Variants in ALK observed in about 807,000 individuals in gnomAD.
ALK encodes ALK tyrosine kinase receptor.
Under a neutral mutation model 163.1 loss-of-function variants are expected in ALK, and 74 were observed. That is an observed-to-expected ratio of 0.45 (90% confidence interval 0.38 to 0.55). The LOEUF (loss-of-function observed/expected upper bound fraction) is 0.55, where lower values mean the gene tolerates loss of function less well. Among genes scored for constraint, ALK ranks in the 20% least tolerant of loss-of-function variants. The pLI, the probability that ALK is intolerant of heterozygous loss-of-function variation, is 0.00. For missense variants in ALK, 2,063 were observed against 2,105.3 expected (o/e 0.98, Z 0.39); for synonymous variants, 960 against 843.2 (o/e 1.14, Z -2.40).
At chr2:29,715,519 G>A (rs1353714712) in intron 2 of ALK, among the ~76,000 whole-genome samples, 1 of 152,200 alleles carries the variant, frequency 6.6e-6, no homozygotes, top group Non-Finnish European at 1.5e-5. Flanking sequence ...CCATGGGTAG[G>A]AGGCAGCTTA....
chr2:29,222,308 G>A (rs1386977604), intron 22 of ALK, 36 bp downstream of exon 22: 3 of 1,600,474 alleles, frequency 1.9e-6, no homozygotes, highest in Non-Finnish European at 2.6e-6. Flanking sequence ...GGGGGCAGAG[G>A]GGAGTTGGGG....
chr2:29,367,438 A>G (rs144162099), intron 5 of ALK, among the ~76,000 whole-genome samples: 1 of 152,354 alleles, frequency 6.6e-6, no homozygotes, highest in East Asian at 1.9e-4. Flanking sequence ...GGGAGGAAGG[A>G]AGACAAAGAA....
intron 4 of ALK, among the ~76,000 whole-genome samples, chr2:29,456,936 C>T (rs1670971611): frequency 6.6e-6 from 1 of 152,006 alleles, no homozygotes; most frequent in Admixed American, 6.6e-5. Flanking sequence ...TGAAAAGTGG[C>T]CACGCACATA....
chr2:29,591,858 G>A (rs1042825513), intron 3 of ALK, among the ~76,000 whole-genome samples: 4 of 151,766 alleles, frequency 2.6e-5, no homozygotes, highest in African/African-American at 9.7e-5. Flanking sequence ...AGACCTTCTG[G>A]GCCGTCACTG....
At chr2:29,380,139 C>T (rs1422426219) in intron 5 of ALK, among the ~76,000 whole-genome samples, 1 of 148,594 alleles carries the variant, frequency 6.7e-6, no homozygotes, top group African/African-American at 2.5e-5. Flanking sequence ...CAGAGTCTCA[C>T]TCTGTCACCA....
chr2:29,916,602 G>A (rs1323108941), intron 1 of ALK, among the ~76,000 whole-genome samples: 1 of 152,150 alleles, frequency 6.6e-6, no homozygotes, highest in Non-Finnish European at 1.5e-5. Flanking sequence ...GAGTTCAAAG[G>A]TCAGATATAT....
intron 1 of ALK, among the ~76,000 whole-genome samples, chr2:29,887,098 C>T (rs907189215): frequency 2.6e-5 from 4 of 152,186 alleles, no homozygotes; most frequent in Middle Eastern, 3.2e-3. Context: ...AAACTATCCC[C>T]AAAATTTAGT....
At chr2:29,775,512 G>A (rs1681148172) in intron 1 of ALK, among the ~76,000 whole-genome samples, 1 of 149,934 alleles carries the variant, frequency 6.7e-6, no homozygotes, top group African/African-American at 2.5e-5. Flanking sequence ...CACCATGTAG[G>A]ATCGGAGTGG....
intron 1 of ALK, among the ~76,000 whole-genome samples, chr2:29,807,276 A>G (rs1664643632): frequency 6.6e-6 from 1 of 152,180 alleles, no homozygotes; most frequent in South Asian, 2.1e-4. Flanking sequence ...CTCTCCCCAG[A>G]CTCTCATCTA....
chr2:29,621,595 G>A (rs950543567), intron 3 of ALK, among the ~76,000 whole-genome samples: 2 of 152,232 alleles, frequency 1.3e-5, no homozygotes, highest in Admixed American at 6.5e-5. Flanking sequence ...ATCTGGGATT[G>A]CACAAAGACG....
Position 29,532,022 on chromosome 2 carries a change from G to T in ALK, c.1047C>A (p.Val349=), listed in dbSNP as rs1673133465. ...AGGGCTGCAGGTGCCTGTGCACCGA[G>T]ACGGCCAGTGTGCAGTGCTCACTGC... The part of the protein sequence containing the change: ...RSSSEHCTLA[V]SVHRHLQPSG... The change falls in exon 4 of 29, where the codon GTC becomes GTA. Residue 349 remains valine, a synonymous_variant. Coordinates refer to ENST00000389048, the MANE Select transcript of ALK (RefSeq NM_004304.5). 1 of 1,614,076 alleles carries T rather than the reference G, an allele frequency of 6.2e-7. No individual in the cohort carries two copies. Among genetic ancestry groups the T allele is most frequent in the Non-Finnish European group, 8.5e-7 (1 of 1,180,026 alleles).
intron 2 of ALK, among the ~76,000 whole-genome samples, chr2:29,715,108 C>A (rs1459172298): frequency 6.6e-6 from 1 of 152,204 alleles, no homozygotes; most frequent in African/African-American, 2.4e-5. Flanking sequence ...AGGCACAGGG[C>A]CAAGCACCCA....
chr2:29,436,665 C>G (rs1442582311), intron 4 of ALK, among the ~76,000 whole-genome samples: 1 of 152,164 alleles, frequency 6.6e-6, no homozygotes, highest in Non-Finnish European at 1.5e-5. Flanking sequence ...GCTGATAACT[C>G]TCTCTTAGCC....
intron 4 of ALK, among the ~76,000 whole-genome samples, chr2:29,396,051 T>C (rs888312051): frequency 1.3e-5 from 2 of 152,178 alleles, no homozygotes; most frequent in African/African-American, 4.8e-5. Context: ...GCTGTGGTTG[T>C]TGTGATGAGT....
At chr2:29,817,849 T>G (rs1558501712) in intron 1 of ALK, among the ~76,000 whole-genome samples, 1 of 152,226 alleles carries the variant, frequency 6.6e-6, no homozygotes, top group Non-Finnish European at 1.5e-5. Context: ...AGGCCTTAAC[T>G]TGGGCCAGGG....
intron 1 of ALK, among the ~76,000 whole-genome samples, chr2:29,799,756 G>GA (rs1664415255): frequency 6.6e-6 from 1 of 152,006 alleles, no homozygotes; most frequent in South Asian, 2.1e-4. Context: ...AAAAATAACA[G>GA]AAAAATACAT....
intron 4 of ALK, among the ~76,000 whole-genome samples, chr2:29,392,566 T>C (rs573888804): frequency 2.4e-4 from 37 of 152,292 alleles, no homozygotes; most frequent in African/African-American, 8.9e-4. Context: ...GACTGGAATA[T>C]GCAGGCTTGT....
At chr2:29,231,521 T>C (rs2148182661) in intron 15 of ALK, among the ~76,000 whole-genome samples, 1 of 152,214 alleles carries the variant, frequency 6.6e-6, no homozygotes, top group East Asian at 1.9e-4. Context: ...TGCTTCAGGG[T>C]TTCTCGGGTG....
chr2:29,240,806 C>G (rs1664504232), intron 12 of ALK, among the ~76,000 whole-genome samples: 1 of 152,160 alleles, frequency 6.6e-6, no homozygotes, highest in Non-Finnish European at 1.5e-5. Context: ...AAATGTGTCC[C>G]CAGGGACCAG....
Sources: gnomAD v4.1 joint callset for allele counts (sites outside exome capture counted in the v4.1 genomes callset) on GRCh38, gnomAD v4.1.1 for gene constraint, MANE v1.5 for transcripts, NCBI Gene and HGNC (gene_info 2026-07-23, HGNC 2026-07-21) for gene names.